Variants in ITFG1 observed in about 807,000 individuals in gnomAD.
The protein encoded by ITFG1 is T-cell immunomodulatory protein.
A neutral mutation model predicts 81.8 loss-of-function variants in ITFG1; 34 were observed. The ratio of observed to expected loss-of-function variants is 0.42; its 90% CI spans 0.32 to 0.55. The LOEUF is 0.55. ITFG1 is among the 20% of genes least tolerant of loss of function. ITFG1 has a pLI of 0.17. For synonymous variants in ITFG1, 285 were observed against 270.6 expected (o/e 1.05, Z -0.52); for missense variants, 672 against 755.4 (o/e 0.89, Z 1.29).
intron 9 of ITFG1, 85 bp from the exon 10 acceptor site, chr16:47,311,497 T>A (rs1366122477): frequency 9.5e-7 from 1 of 1,051,778 alleles, no homozygotes; most frequent in African/African-American, 1.6e-5. Flanking sequence ...CCATTAAGTT[T>A]TCAAGATAAG....
At chr16:47,453,833 G>T (rs1969418033) in intron 3 of ITFG1, among the ~76,000 whole-genome samples, 180 bp downstream of exon 3, 1 of 152,176 alleles carries the variant, frequency 6.6e-6, no homozygotes, top group Admixed American at 6.5e-5. Context: ...TTTGTCAGTA[G>T]AAGTGATCCC....
chr16:47,403,749 G>T (rs1185748170), intron 6 of ITFG1, among the ~76,000 whole-genome samples: 1 of 138,704 alleles, frequency 7.2e-6, no homozygotes, highest in East Asian at 2.2e-4. Flanking sequence ...AGTTGATTTT[G>T]ATCTCTCTTG....
chr16:47,387,132 T>C (rs1441164536), intron 6 of ITFG1, among the ~76,000 whole-genome samples: 1 of 152,130 alleles, frequency 6.6e-6, no homozygotes, highest in Non-Finnish European at 1.5e-5. Flanking sequence ...TACTGAAGCC[T>C]AACAGCTGAG....
At chr16:47,244,606 TGTGTGTGTGTGTGTG>T in intron 12 of ITFG1, among the ~76,000 whole-genome samples, 1 of 91,138 alleles carries the variant, frequency 1.1e-5, no homozygotes, top group East Asian at 2.2e-4. Flanking sequence ...TGTGTGTGTG[TGTGTGTGTGTGTGTG>T]TGTGTGTGTG....
At chr16:47,399,526 T>A (rs1968633228) in intron 6 of ITFG1, among the ~76,000 whole-genome samples, 1 of 150,986 alleles carries the variant, frequency 6.6e-6, no homozygotes, top group South Asian at 2.1e-4. Context: ...TGAGCTGAGA[T>A]CACGCCGCTG....
chr16:47,365,000 C>T (rs79094881), intron 8 of ITFG1, among the ~76,000 whole-genome samples: 3,232 of 152,312 alleles, frequency 0.021, 55 homozygotes, highest in South Asian at 0.031. Context: ...TTCTTGTGCT[C>T]TTGCTATAAG....
At chr16:47,388,746 T>A (rs539128903) in intron 6 of ITFG1, among the ~76,000 whole-genome samples, 2 of 152,350 alleles carry the variant, frequency 1.3e-5, no homozygotes, top group African/African-American at 4.8e-5. Flanking sequence ...ACAGAAATTT[T>A]AAAATCCTCT....
intron 13 of ITFG1, among the ~76,000 whole-genome samples, chr16:47,227,181 T>G (rs1965767663): frequency 6.6e-6 from 1 of 152,202 alleles, no homozygotes; most frequent in African/African-American, 2.4e-5. Flanking sequence ...TTTCTTCACT[T>G]ACCTCCATAT....
At chr16:47,365,390 T>A (rs1418459038) in intron 8 of ITFG1, among the ~76,000 whole-genome samples, 1 of 146,830 alleles carries the variant, frequency 6.8e-6, no homozygotes, top group African/African-American at 2.7e-5. Context: ...GCTTTAAAAT[T>A]AAGTTGTAAT....
At chr16:47,323,425 T>C (rs961700970) in intron 8 of ITFG1, among the ~76,000 whole-genome samples, 2 of 152,170 alleles carry the variant, frequency 1.3e-5, no homozygotes, top group Non-Finnish European at 2.9e-5. Flanking sequence ...CTGTGCTGCC[T>C]TGGGATTCTG....
intron 14 of ITFG1, among the ~76,000 whole-genome samples, chr16:47,205,750 G>GT (rs1478334865): frequency 6.6e-6 from 1 of 152,046 alleles, no homozygotes; most frequent in Non-Finnish European, 1.5e-5. Context: ...CACTCCGATC[G>GT]TATCATCAAC....
intron 5 of ITFG1, among the ~76,000 whole-genome samples, chr16:47,438,281 G>C (rs1969196286): frequency 6.6e-6 from 1 of 152,234 alleles, no homozygotes; most frequent in African/African-American, 2.4e-5. Flanking sequence ...ACAAACAAAA[G>C]ACAGCAATAA....
chr16:47,190,185 ACTT>A (rs1965274940), intron 14 of ITFG1, among the ~76,000 whole-genome samples: 1 of 152,028 alleles, frequency 6.6e-6, no homozygotes, highest in Non-Finnish European at 1.5e-5. Flanking sequence ...TGGTCATTTC[ACTT>A]ATAAGGGGCC....
At chr16:47,331,369 G>T in intron 8 of ITFG1, among the ~76,000 whole-genome samples, 1 of 151,984 alleles carries the variant, frequency 6.6e-6, no homozygotes, top group Non-Finnish European at 1.5e-5. Flanking sequence ...AACTTCCTAT[G>T]GGGTACTGTG....
chr16:47,301,537 C>T (rs986678271), intron 10 of ITFG1, among the ~76,000 whole-genome samples: 3 of 151,952 alleles, frequency 2.0e-5, no homozygotes, highest in African/African-American at 7.2e-5. Flanking sequence ...GGTGGGACTA[C>T]AGGCGCCTGC....
intron 12 of ITFG1, among the ~76,000 whole-genome samples, chr16:47,249,357 T>G (rs1966039516): frequency 6.6e-6 from 1 of 152,094 alleles, no homozygotes; most frequent in Admixed American, 6.5e-5. Context: ...AGGCAGAGGT[T>G]GTAGTGAGCC....
chr16:47,350,053 ACATT>A (rs1967927171), intron 8 of ITFG1, among the ~76,000 whole-genome samples: 1 of 152,228 alleles, frequency 6.6e-6, no homozygotes, highest in African/African-American at 2.4e-5. Flanking sequence ...TCTCTGGGAC[ACATT>A]CAAAGCAGTG....
chr16:47,332,313 T>C (rs1967647381), intron 8 of ITFG1, among the ~76,000 whole-genome samples: 1 of 152,174 alleles, frequency 6.6e-6, no homozygotes, highest in Non-Finnish European at 1.5e-5. Context: ...ATTAAAATCT[T>C]TGTTATCCAT....
chr16:47,376,066 T>C (rs1393209671), intron 6 of ITFG1, 126 bp from the exon 7 acceptor site: 3 of 548,004 alleles, frequency 5.5e-6, no homozygotes, highest in East Asian at 6.3e-5. Flanking sequence ...TTTTAAATTA[T>C]ATTTTAACAA....
Sources: gnomAD v4.1 joint callset for allele counts (sites outside exome capture counted in the v4.1 genomes callset) on GRCh38, gnomAD v4.1.1 for gene constraint, MANE v1.5 for transcripts, NCBI Gene and HGNC (gene_info 2026-07-23, HGNC 2026-07-21) for gene names.